Variants in PSTPIP1 observed in about 807,000 individuals in gnomAD.
PSTPIP1 encodes proline-serine-threonine phosphatase-interacting protein 1.
A neutral mutation model predicts 69.6 loss-of-function variants in PSTPIP1; 66 were observed. The ratio of observed to expected loss-of-function variants is 0.95; its 90% CI spans 0.78 to 1.16. PSTPIP1 has a LOEUF of 1.16. Ranked by LOEUF, PSTPIP1 falls within the 50% of genes most tolerant of loss-of-function variation. The pLI, the probability that PSTPIP1 is intolerant of heterozygous loss-of-function variation, is 0.00. For synonymous variants in PSTPIP1, 266 were observed against 222.7 expected, an observed-to-expected ratio of 1.19 and a Z score of -1.73; for missense variants, 603 against 557.4, an observed-to-expected ratio of 1.08 and a Z score of -0.82.
At chr15:77,015,249 A>C (rs929205646) in intron 1 of PSTPIP1, among the ~76,000 whole-genome samples, 2 of 152,232 alleles carry the variant, frequency 1.3e-5, no homozygotes, top group Admixed American at 6.5e-5. Flanking sequence ...TGGGCTGTCT[A>C]CTAAATGGCT....
chr15:77,029,442 G>A, intron 7 of PSTPIP1, 87 bp from the exon 8 acceptor site: 1 of 1,487,442 alleles, frequency 6.7e-7, no homozygotes, highest in Non-Finnish European at 9.2e-7. Context: ...GGTGGCCGGG[G>A]AAGCTTGACA....
chr15:76,998,759 G>A (rs113987301), intron 1 of PSTPIP1, among the ~76,000 whole-genome samples: 1 of 152,148 alleles, frequency 6.6e-6, no homozygotes, highest in Admixed American at 6.5e-5. Context: ...TCCCTCAGTC[G>A]GCCTGTTTTT....
At chr15:77,011,734 T>C (rs1156990783) in intron 1 of PSTPIP1, among the ~76,000 whole-genome samples, 2 of 152,120 alleles carry the variant, frequency 1.3e-5, no homozygotes, top group Non-Finnish European at 2.9e-5. Flanking sequence ...ACCAAGTCCC[T>C]AGTTTAACAG....
chr15:77,029,521 T>C lies in PSTPIP1; in HGVS notation c.517-8T>C, dbSNP rs1384459993. 6.3e-7 allele frequency: 1 copy of C among 1,576,236 alleles called. No individual in the cohort carries two copies. Among genetic ancestry groups the C allele is most frequent in the Admixed American group, 1.8e-5 (1 of 54,360 alleles). ...GGGCTTAGCGCTGCTTCCCCTCTGT[T>C]TCCTCAGAGTCAGAACAAAGCCAGG... On this transcript the variant is annotated splice_region_variant and splice_polypyrimidine_tract_variant and intron_variant, in intron 7 of 14. Coordinates refer to ENST00000558012, the MANE Select transcript of PSTPIP1 (RefSeq NM_003978.5).
intron 3 of PSTPIP1, chr15:77,024,100 G>A (rs546866313): frequency 6.6e-6 from 1 of 152,342 alleles, no homozygotes. Flanking sequence ...TGCTGGCAGA[G>A]TTGTGAGCAG....
chr15:77,035,682 G>C (rs1013400770), intron 13 of PSTPIP1, 119 bp downstream of exon 13: 19 of 1,473,340 alleles, frequency 1.3e-5, no homozygotes, highest in Non-Finnish European at 1.6e-5. Context: ...TCCCCCAACA[G>C]CAAGTGTGGA....
intron 1 of PSTPIP1, among the ~76,000 whole-genome samples, chr15:77,009,836 C>T (rs1393386932): frequency 2.0e-5 from 3 of 152,226 alleles, no homozygotes; most frequent in Non-Finnish European, 2.9e-5. Flanking sequence ...CCTGGACTCG[C>T]TGTGGGCCTG....
chr15:77,036,981 C>T (rs1016873373), intron 14 of PSTPIP1, 64 bp from the exon 15 acceptor site: 37 of 1,577,332 alleles, frequency 2.3e-5, no homozygotes, highest in African/African-American at 4.1e-5. Flanking sequence ...AACGCCAGGC[C>T]CCTCCCTGCA....
Position 77,027,788 on chromosome 15 carries a change from C to T in PSTPIP1, c.355-64C>T. The stretch of plus-strand genomic sequence containing the variant: ...CGCCTCATCCCAGGGACACTCCGTC[C>T]TCTTGGCCTAGGGGAGCCTCCCGAG... On this transcript the variant is annotated intron_variant, in intron 5 of 14. Transcript: ENST00000558012. The surrounding 1 kb of genome is among the most constrained non-coding windows in gnomAD (Gnocchi z 4.3). 2 of 1,543,284 alleles carry T rather than the reference C, an allele frequency of 1.3e-6. No homozygotes were observed. Among genetic ancestry groups the T allele is most frequent in the East Asian group, 2.5e-5 (1 of 40,784 alleles).
In PSTPIP1 at chr15:77,027,891, T is replaced by A. The variant is rs1313927175; in HGVS notation, c.394T>A (p.Ser132Thr). ...VMDRVQKSKL[S>T]LYKKAMESKK... ...GGACCGGGTCCAGAAGAGCAAGCTG[T>A]CGCTCTACAAGAAGGCCATGGAGGT... The change falls in exon 6 of 15, where the codon TCG becomes ACG. Residue 132 changes from serine to threonine, a missense_variant. Coordinates refer to ENST00000558012, the MANE Select transcript of PSTPIP1 (RefSeq NM_003978.5). This position sits in a 1 kb window ranked among gnomAD's most constrained non-coding sequence, Gnocchi z 4.3. The A allele has an allele frequency of 9.6e-6, 15 of 1,568,380 alleles. No homozygotes were observed. The highest frequency in any genetic ancestry group is 1.3e-5 in the Non-Finnish European group (15 of 1,157,406).
intron 3 of PSTPIP1, among the ~76,000 whole-genome samples, chr15:77,020,283 C>T (rs564043381): frequency 1.3e-5 from 2 of 152,270 alleles, no homozygotes; most frequent in Non-Finnish European, 2.9e-5. Context: ...AGGGTCTGCC[C>T]TGACTTATCC....
In PSTPIP1 at chr15:77,025,434, G is replaced by C. The variant is rs904967961; in HGVS notation, c.248-64G>C. On this transcript the variant is annotated intron_variant, in intron 4 of 14. Coordinates refer to ENST00000558012, the MANE Select transcript of PSTPIP1 (RefSeq NM_003978.5). The stretch of plus-strand genomic sequence containing the variant: ...GGGCTGGGCTGGCCCACACGGGTGA[G>C]TTGTGGGTGGCTGAGGCCCATCAGA... 5 of 1,584,240 alleles carry C rather than the reference G, an allele frequency of 3.2e-6. No individual in the cohort carries two copies. The African/African-American group carries it at 6.7e-5, about 21-fold the overall frequency.
At position 77,011,810 on chromosome 15, in the gene PSTPIP1, C is replaced by T. The variant is rs917516921; in HGVS notation, c.37-6338C>T. On this transcript the variant is annotated intron_variant, in intron 1 of 14. Coordinates refer to ENST00000558012, the MANE Select transcript of PSTPIP1 (RefSeq NM_003978.5). ...CTTACAGACTGTAGTGATGGGCGCT[C>T]CTCACCTGTCAAAGCCCCCCACCCT... Among the ~76,000 whole-genome samples, 7 of 152,132 alleles carry T rather than the reference C, an allele frequency of 4.6e-5. No homozygotes were observed. In the East Asian group the frequency reaches 1.3e-3, roughly 29 times the overall value.
At chr15:77,009,398 A>G (rs1172126331) in intron 1 of PSTPIP1, among the ~76,000 whole-genome samples, 1 of 152,174 alleles carries the variant, frequency 6.6e-6, no homozygotes, top group Non-Finnish European at 1.5e-5. Flanking sequence ...CCTCACACCT[A>G]CAGCAAATCA....
intron 1 of PSTPIP1, among the ~76,000 whole-genome samples, chr15:77,000,560 A>C (rs1479845146): frequency 6.6e-6 from 1 of 152,108 alleles, no homozygotes; most frequent in African/African-American, 2.4e-5. Flanking sequence ...CCTAAAAGGA[A>C]AGTGGGGAAA....
At chr15:77,019,202 G>A (rs947904465) in intron 3 of PSTPIP1, among the ~76,000 whole-genome samples, 6 of 152,230 alleles carry the variant, frequency 3.9e-5, no homozygotes, top group Non-Finnish European at 8.8e-5. Flanking sequence ...GGAGATGAAG[G>A]TGAGTTCAGG....
At chr15:77,025,400 T>C in intron 4 of PSTPIP1, 82 bp downstream of exon 4, 1 of 1,580,350 alleles carries the variant, frequency 6.3e-7, no homozygotes, top group African/African-American at 1.3e-5. Context: ...AGATGAGGTG[T>C]TGGGGCTGGG....
At chr15:76,995,092 G>A (rs978069894), upstream of PSTPIP1, 25 of 1,178,162 alleles carry the variant, frequency 2.1e-5, no homozygotes, top group Non-Finnish European at 2.2e-5. Context: ...TCCTGTGGGC[G>A]AGGGCCCTGT....
rs367975984 is a variant in PSTPIP1 at position 77,031,429 on chromosome 15, C to T, written c.741+151C>T. 57 of 702,376 alleles carry T rather than the reference C, an allele frequency of 8.1e-5. 1 individual carries two copies. In the African/African-American group the frequency reaches 8.7e-4, roughly 11 times the overall value. 43.5% of individuals were successfully genotyped at this position (702,376 alleles called of 1,614,324 possible). On this transcript the variant is annotated intron_variant, in intron 10 of 14. Coordinates refer to ENST00000558012, the MANE Select transcript of PSTPIP1 (RefSeq NM_003978.5). ...TCAGGCCTCAGCAGCTCAGCCTTTG[C>T]CCCCAGAACCCCAAGACAGGAGCTC...
Sources: allele counts gnomAD v4.1 joint callset (sites outside exome capture counted in the v4.1 genomes callset), GRCh38; gene constraint gnomAD v4.1.1; non-coding constraint Gnocchi (gnomAD v3.1); transcripts MANE v1.5; gene names NCBI Gene and HGNC (gene_info 2026-07-23, HGNC 2026-07-21).